RNF213: variants seen among roughly 807,000 people sequenced by gnomAD.
RNF213 encodes the protein ring finger protein 213.
Under a neutral mutation model 514.4 loss-of-function variants are expected in RNF213, and 341 were observed. The ratio of observed to expected loss-of-function variants is 0.66; its 90% CI spans 0.61 to 0.73. The LOEUF is 0.73. Ranked by LOEUF, RNF213 falls within the 30% of genes least tolerant of loss-of-function variation. RNF213 has a pLI of 0.00. For synonymous variants in RNF213, 2,655 were observed against 2,658.2 expected (o/e 1.00, Z 0.04); for missense variants, 5,767 against 6,615.6 (o/e 0.87, Z 4.45).
intron 61 of RNF213, 63 bp from the exon 62 acceptor site, chr17:80,386,187 A>T: frequency 6.5e-7 from 1 of 1,526,832 alleles, no homozygotes; most frequent in South Asian, 1.1e-5. Flanking sequence ...CCTCCTCCCC[A>T]CGCCTAGATT....
At position 80,372,591 on chromosome 17, in the gene RNF213, G is replaced by T; in HGVS notation, c.12608G>T (p.Arg4203Leu). Residue 4203 changes from arginine to leucine, a missense_variant, in exon 48 of 68, where the codon CGT (arginine) becomes CTT (leucine). By Grantham distance (102) the Arg-to-Leu change is moderately radical. Coordinates refer to ENST00000582970, the MANE Select transcript of RNF213 (RefSeq NM_001256071.3). ...CTGAACCACCTAGAAGAGGAAGGTC[G>T]TTTCCTTAAGGCATATTCTCCAGCA... Reference protein sequence around the residue: ...DELNHLEEEGRFLKAYSPASR... With the variant: ...DELNHLEEEGLFLKAYSPASR... 5 of 1,613,972 alleles carry T rather than the reference G, an allele frequency of 3.1e-6. No homozygotes were observed. Among genetic ancestry groups the T allele is most frequent in the Non-Finnish European group, 4.2e-6 (5 of 1,179,974 alleles).
At chr17:80,277,719 G>A (rs9901491) in intron 3 of RNF213, among the ~76,000 whole-genome samples, 10,493 of 152,102 alleles carry the variant, frequency 0.069, 534 homozygotes, top group East Asian at 0.21. Flanking sequence ...GGGCTTTTGC[G>A]CATTTTCCCA....
rs1269500138 is a variant in RNF213 at position 80,289,053 on chromosome 17, C to A, written c.933+298C>A. Among the ~76,000 whole-genome samples the A allele has an allele frequency of 5.9e-5, 9 of 152,066 alleles. No individual in the cohort carries two copies. In the East Asian group the frequency reaches 1.5e-3, roughly 26 times the overall value. On this transcript the variant is annotated intron_variant, in intron 5 of 67. Transcript: ENST00000582970. ...TCTTAGGAGGTGGTGAGGGATGGTC[C>A]CCGGAGGTGTCTGGGAAGGTCATGT...
At chr17:80,372,417 C>A in intron 47 of RNF213, 104 bp from the exon 48 acceptor site, 1 of 821,364 alleles carries the variant, frequency 1.2e-6, no homozygotes, top group Non-Finnish European at 2.0e-6. Context: ...CAGTAACATT[C>A]TTCTATCCTT....
Position 80,263,599 on chromosome 17 carries a change from G to T in RNF213, c.-83G>T. On this transcript the variant is annotated 5_prime_UTR_variant, in exon 2 of 68. Coordinates refer to ENST00000582970, the MANE Select transcript of RNF213 (RefSeq NM_001256071.3). The surrounding 1 kb of genome is among the most constrained non-coding windows in gnomAD (Gnocchi z 4.9). ...AAAATGAAACTGAAGCCGTGGTCAC[G>T]TGACAGGACATGTAGTATATAGCAG... 3 of 1,089,072 alleles carry T rather than the reference G, an allele frequency of 2.8e-6. No homozygotes were observed. Among genetic ancestry groups the T allele is most frequent in the Non-Finnish European group, 4.3e-6 (3 of 701,158 alleles). The allele number at this position is 1,089,072 out of a possible 1,614,324, so 67.5% of individuals were successfully genotyped here.
rs2080114924 is a variant in RNF213 at position 80,383,693 on chromosome 17, T to C, written c.14087T>C (p.Leu4696Pro). 1.4e-5 allele frequency: 22 copies of C among 1,614,070 alleles called. No homozygotes were observed. The highest frequency in any genetic ancestry group is 1.8e-5 in the Non-Finnish European group (21 of 1,179,984). ...TCCATCCAGCATCTAGATAAAACCC[T>C]TCCCACCATGAATAATCTCATCAGC... is the stretch of plus-strand genomic sequence containing the variant. ...SPELEHLDKT[L>P]PTMNNLISQD... Residue 4696 changes from leucine (L) to proline (P), a missense_variant, in exon 59 of 68, where the codon CTT (leucine) becomes CCT (proline). Leu to Pro is a moderately conservative substitution (Grantham distance 98). Around this residue, in one of 13 missense-constraint regions of RNF213, gnomAD observed 1,245 missense variants for 1,339.0 expected, o/e 0.93. Coordinates refer to ENST00000582970, the MANE Select transcript of RNF213 (RefSeq NM_001256071.3).
chr17:80,324,054 T>G (rs2046217112), intron 17 of RNF213, among the ~76,000 whole-genome samples: 1 of 152,214 alleles, frequency 6.6e-6, no homozygotes, highest in Admixed American at 6.5e-5. Flanking sequence ...GAATAGAGTT[T>G]CACTTCTTCC....
At chr17:80,285,707 A>G (rs1166666071) in intron 3 of RNF213, among the ~76,000 whole-genome samples, 2 of 147,376 alleles carry the variant, frequency 1.4e-5, no homozygotes, top group East Asian at 2.0e-4. Context: ...GTCTTGCTCT[A>G]TTGCTCAGGC....
rs1183627564 is a variant in RNF213, at chr17:80,344,912, AC to A, written c.6581del (p.Pro2194ArgfsTer14). 1 of 1,614,148 alleles carries A rather than the reference AC, an allele frequency of 6.2e-7. No homozygotes were observed. The highest frequency in any genetic ancestry group is 8.5e-7 in the Non-Finnish European group (1 of 1,180,026). On this transcript the variant is annotated frameshift_variant, in exon 29 of 68. Coordinates refer to ENST00000582970, the MANE Select transcript of RNF213 (RefSeq NM_001256071.3). LOFTEE classifies it high-confidence loss of function. ...GTATCAAGAAGGCTCTGTCGAAGGC[AC>A]CCCGGAGGAATGCCTCCAGCATTTC... ...FQYQEGSVEG[T>X]PEECLQHFLF...
At chr17:80,355,431 TGG>T (rs2078722601) in intron 36 of RNF213, 1 of 112,078 alleles carries the variant, frequency 8.9e-6, no homozygotes, top group African/African-American at 6.9e-5. Flanking sequence ...AGAAGCGGGG[TGG>T]ATGGGAATCG....
At position 80,339,298 on chromosome 17, in the gene RNF213, C is replaced by CT. The variant is rs2078080303; in HGVS notation, c.4931_4932insT (p.Lys1646GlnfsTer19). ...ACGTGGATCGCCATGGCCTACTGCTCCCCCAAGCAGGGTGTGTCCCTCCAA... is the reference window on the plus strand; with the variant it reads ...ACGTGGATCGCCATGGCCTACTGCTCTCCCCAAGCAGGGTGTGTCCCTCCAA... On this transcript the variant is annotated frameshift_variant, in exon 26 of 68. Transcript: ENST00000582970. LOFTEE classifies it high-confidence loss of function. 1 of 1,536,494 alleles carries CT rather than the reference C, an allele frequency of 6.5e-7. No homozygotes were observed. The highest frequency in any genetic ancestry group is 8.7e-7 in the Non-Finnish European group (1 of 1,146,420).
intron 36 of RNF213, among the ~76,000 whole-genome samples, chr17:80,355,523 AGGG>A (rs56771841): frequency 1.3e-4 from 1 of 7,696 alleles, no homozygotes; most frequent in Non-Finnish European, 2.5e-4. Flanking sequence ...GGGGGCTTAC[AGGG>A]GGAAGAAGCG....
At chr17:80,360,277 C>A in intron 38 of RNF213, 71 bp downstream of exon 38, 1 of 1,519,060 alleles carries the variant, frequency 6.6e-7, no homozygotes, top group Non-Finnish European at 9.0e-7. Flanking sequence ...CAGTGAAAAG[C>A]AGATGGGTGG....
Position 80,377,679 on chromosome 17 carries a change from G to C in RNF213, c.13511-83G>C. 2 of 1,480,230 alleles carry C rather than the reference G, an allele frequency of 1.4e-6. No homozygotes were observed. Among genetic ancestry groups the C allele is most frequent in the Non-Finnish European group, 1.9e-6 (2 of 1,057,790 alleles). 91.7% of individuals were successfully genotyped at this position (1,480,230 alleles called of 1,614,324 possible). On this transcript the variant is annotated intron_variant, in intron 53 of 67. Coordinates refer to ENST00000582970, the MANE Select transcript of RNF213 (RefSeq NM_001256071.3). The surrounding 1 kb of genome is among the most constrained non-coding windows in gnomAD (Gnocchi z 4.1). ...TTCTCATATTGTGGTCAGGGCCAGA[G>C]AGTAGAGAGTTAGCTTTCCCTTTTC...
rs1031544037 is a variant in RNF213 at position 80,354,509 on chromosome 17, C to G, written c.10795C>G (p.His3599Asp). ...AAAGAAGCAAGAAGAGAGCCAGTTT[C>G]ACCCTCTGGAGTGGTTGGCAAGGGA... Reference protein sequence around the residue: ...FLKKQEESQFHPLEWLAREAC... With the variant: ...FLKKQEESQFDPLEWLAREAC... The change falls in exon 36 of 68, where the codon CAC (histidine) becomes GAC (aspartate). Residue 3599 changes from histidine (H) to aspartate (D), a missense_variant. His to Asp is a moderately conservative substitution (Grantham distance 81, BLOSUM62 -1). Transcript: ENST00000582970. 6.8e-6 allele frequency: 11 copies of G among 1,614,092 alleles called. 1 individual carries two copies. Among genetic ancestry groups the G allele is most frequent in the African/African-American group, 4.0e-5 (3 of 74,922 alleles).
At chr17:80,382,780 A>G (rs1223918247) in intron 57 of RNF213, 199 bp from the exon 58 acceptor site, 2 of 529,368 alleles carry the variant, frequency 3.8e-6, no homozygotes, top group African/African-American at 3.9e-5. Flanking sequence ...AGGAATTTTT[A>G]GAGATTGATG....
rs2045129080 is a variant in RNF213 at position 80,300,300 on chromosome 17, T to C, written c.2210+1782T>C. 1.3e-5 allele frequency among the ~76,000 whole-genome samples: 2 copies of C among 152,120 alleles called. 1 individual carries two copies. The highest frequency in any genetic ancestry group is 1.3e-4 in the Admixed American group (2 of 15,256). On this transcript the variant is annotated intron_variant, in intron 11 of 67. Coordinates refer to ENST00000582970, the MANE Select transcript of RNF213 (RefSeq NM_001256071.3). ...TTTTTTAAGAGACAGAGTCTGGCTC[T>C]GTCACCCAGGCTGGAGTGCAGTGGT...
At chr17:80,378,424 G>A (rs1423502618) in intron 54 of RNF213, among the ~76,000 whole-genome samples, 1 of 152,190 alleles carries the variant, frequency 6.6e-6, no homozygotes, top group East Asian at 1.9e-4. Context: ...AGAGGCTGGT[G>A]GGTTGAGCTG....
chr17:80,336,205 G>T lies in RNF213; in HGVS notation c.4354G>T (p.Ala1452Ser). ...KVFVDLASIS[A>S]GENDIDVDRV... is the part of the protein sequence containing the mutation. ...GTTTGTGGACCTGGCCTCCATCTCA[G>T]CGGGGGAGAATGACATTGATGTGGA... is the stretch of plus-strand genomic sequence containing the variant. Residue 1452 changes from alanine to serine, a missense_variant, in exon 23 of 68, where the codon GCG becomes TCG. Ala to Ser is a moderately conservative substitution (Grantham distance 99). Coordinates refer to ENST00000582970, the MANE Select transcript of RNF213 (RefSeq NM_001256071.3). The T allele has an allele frequency of 6.5e-7, 1 of 1,537,262 alleles. No homozygotes were observed. The highest frequency in any genetic ancestry group is 8.7e-7 in the Non-Finnish European group (1 of 1,146,918).
Sources: allele counts gnomAD v4.1 joint callset (sites outside exome capture counted in the v4.1 genomes callset), GRCh38; gene constraint gnomAD v4.1.1; regional missense constraint gnomAD v4.1.1; non-coding constraint Gnocchi (gnomAD v3.1); transcripts MANE v1.5; gene names NCBI Gene and HGNC (gene_info 2026-07-23, HGNC 2026-07-21).